The following ERBB4 variants were observed in gnomAD, a reference collection of about 807,000 sequenced individuals.
ERBB4 encodes the protein erb-b2 receptor tyrosine kinase 4.
A neutral mutation model predicts 158.0 loss-of-function variants in ERBB4; 42 were observed. That is an observed-to-expected ratio of 0.27 (90% CI 0.21 to 0.34). The LOEUF is 0.34. ERBB4 is among the 10% of genes least tolerant of loss of function. The pLI is 1.00. For synonymous variants in ERBB4, 583 were observed against 558.7 expected, an observed-to-expected ratio of 1.04 and a Z score of -0.61; for missense variants, 1,333 against 1,624.1, an observed-to-expected ratio of 0.82 and a Z score of 3.08.
intron 1 of ERBB4, among the ~76,000 whole-genome samples, chr2:212,296,247 T>C (rs994834296): frequency 5.3e-5 from 8 of 151,936 alleles, no homozygotes; most frequent in Non-Finnish European, 1.2e-4. Context: ...GCCAGACAGA[T>C]ATTGTAGAGT....
At chr2:211,454,769 C>T (rs1372599326) in intron 20 of ERBB4, among the ~76,000 whole-genome samples, 2 of 152,198 alleles carry the variant, frequency 1.3e-5, no homozygotes, top group African/African-American at 4.8e-5. Flanking sequence ...ACCATGAGAG[C>T]TCCATTAGCC....
Position 211,948,678 on chromosome 2 carries a change from TA to T in ERBB4, c.235-1063del, listed in dbSNP as rs368084761. Among the ~76,000 whole-genome samples the T allele has an allele frequency of 7.9e-3, 1,207 of 151,928 alleles. 16 individuals are homozygous for T. Among genetic ancestry groups the T allele is most frequent in the African/African-American group, 0.026 (1,085 of 41,458 alleles). The stretch of plus-strand genomic sequence containing the variant: ...AGAATTTAAAAAAAACTAAAAATGA[TA>T]AAAAAAATACTCAAGTATTTGGTAT... On this transcript the variant is annotated intron_variant, in intron 2 of 27. Coordinates refer to ENST00000342788, the MANE Select transcript of ERBB4 (RefSeq NM_005235.3).
At chr2:212,391,994 G>A (rs1440714911) in intron 1 of ERBB4, among the ~76,000 whole-genome samples, 4 of 151,056 alleles carry the variant, frequency 2.6e-5, no homozygotes, top group Admixed American at 6.6e-5. Context: ...TAGCTATTTA[G>A]GATGACTGAA....
chr2:212,335,385 G>T (rs1221441071), intron 1 of ERBB4, among the ~76,000 whole-genome samples: 2 of 151,932 alleles, frequency 1.3e-5, no homozygotes, highest in Admixed American at 1.3e-4. Flanking sequence ...GTTACAATAT[G>T]ATATGGAATA....
chr2:211,777,877 T>G (rs1399722897), intron 4 of ERBB4: 2 of 152,216 alleles, frequency 1.3e-5, no homozygotes, highest in Non-Finnish European at 2.9e-5. Context: ...TTAGTTTAAA[T>G]AAGACCAAGG....
chr2:211,993,792 C>T (rs914187658), intron 2 of ERBB4, among the ~76,000 whole-genome samples: 10 of 149,640 alleles, frequency 6.7e-5, no homozygotes, highest in Non-Finnish European at 1.3e-4. Context: ...AAAAAAGAAA[C>T]TTAAAAAAAA....
At chr2:211,476,834 A>T (rs1403482006) in intron 20 of ERBB4, among the ~76,000 whole-genome samples, 1 of 152,088 alleles carries the variant, frequency 6.6e-6, no homozygotes, top group Non-Finnish European at 1.5e-5. Context: ...GTCAAACTAC[A>T]CTCTAACAAG....
At chr2:212,185,389 C>A (rs919723058) in intron 1 of ERBB4, among the ~76,000 whole-genome samples, 3 of 151,792 alleles carry the variant, frequency 2.0e-5, no homozygotes, top group African/African-American at 7.3e-5. Flanking sequence ...AAAGGCTCAT[C>A]TGCTTGGAAT....
chr2:211,745,752 T>A (rs2074954180), intron 5 of ERBB4, among the ~76,000 whole-genome samples: 1 of 129,212 alleles, frequency 7.7e-6, no homozygotes, highest in Admixed American at 7.8e-5. Context: ...AACCCTTAGG[T>A]AAGTATACTT....
intron 25 of ERBB4, among the ~76,000 whole-genome samples, chr2:211,396,880 T>C (rs955752789): frequency 1.3e-5 from 2 of 152,202 alleles, no homozygotes; most frequent in African/African-American, 2.4e-5. Flanking sequence ...CTCTTTAAGC[T>C]ACCAGGTGGC....
intron 2 of ERBB4, among the ~76,000 whole-genome samples, chr2:212,036,469 C>CT (rs34570443): frequency 0.15 from 21,363 of 143,042 alleles, 1,936 homozygotes; most frequent in Middle Eastern, 0.25. Flanking sequence ...TAAATACATT[C>CT]TTTTTTTTTT....
intron 1 of ERBB4, among the ~76,000 whole-genome samples, chr2:212,144,284 T>G (rs950577693): frequency 1.3e-5 from 2 of 152,208 alleles, no homozygotes; most frequent in Non-Finnish European, 2.9e-5. Flanking sequence ...TCATTAACCA[T>G]TGAATGAAAT....
chr2:211,992,914 A>G (rs947542969), intron 2 of ERBB4, among the ~76,000 whole-genome samples: 4 of 152,232 alleles, frequency 2.6e-5, no homozygotes, highest in Non-Finnish European at 5.9e-5. Flanking sequence ...TTAGCCTTAT[A>G]TATTACCTAA....
At chr2:212,109,151 A>T (rs1218285408) in intron 2 of ERBB4, among the ~76,000 whole-genome samples, 3 of 152,150 alleles carry the variant, frequency 2.0e-5, no homozygotes, top group Non-Finnish European at 2.9e-5. Flanking sequence ...TGCCTACAAC[A>T]TGCCAGCATC....
intron 1 of ERBB4, among the ~76,000 whole-genome samples, chr2:212,272,561 G>C (rs1242080615): frequency 1.3e-5 from 2 of 151,738 alleles, no homozygotes; most frequent in African/African-American, 4.8e-5. Flanking sequence ...GGCTAGAGGA[G>C]AGTCACCTGA....
At chr2:212,406,277 T>C (rs1484542184) in intron 1 of ERBB4, among the ~76,000 whole-genome samples, 3 of 152,128 alleles carry the variant, frequency 2.0e-5, no homozygotes, top group Non-Finnish European at 2.9e-5. Context: ...CTGCCAGCAG[T>C]GATACCTTAT....
At chr2:212,122,680 C>G (rs999754691) in intron 2 of ERBB4, among the ~76,000 whole-genome samples, 2 of 151,954 alleles carry the variant, frequency 1.3e-5, no homozygotes, top group African/African-American at 4.8e-5. Flanking sequence ...TCAAAAATAT[C>G]TACATGCTAC....
At chr2:212,132,471 G>C (rs984850315) in intron 1 of ERBB4, among the ~76,000 whole-genome samples, 1 of 152,156 alleles carries the variant, frequency 6.6e-6, no homozygotes, top group Non-Finnish European at 1.5e-5. Flanking sequence ...TCCCCAGTGT[G>C]GGTGAGTATT....
chr2:211,895,726 T>C (rs563870806), intron 3 of ERBB4, among the ~76,000 whole-genome samples: 54 of 152,310 alleles, frequency 3.5e-4, no homozygotes, highest in African/African-American at 1.2e-3. Context: ...AATTCCATTA[T>C]AGAACTGTCT....
Sources: allele counts gnomAD v4.1 joint callset (sites outside exome capture counted in the v4.1 genomes callset), GRCh38; gene constraint gnomAD v4.1.1; transcripts MANE v1.5; gene names NCBI Gene and HGNC (gene_info 2026-07-23, HGNC 2026-07-21).